C1QTNF3: variants seen among roughly 807,000 people sequenced by gnomAD.
The protein encoded by C1QTNF3 is C1q and TNF related 3.
In C1QTNF3, 26 loss-of-function variants were observed where a neutral mutation model predicts 32.6. The ratio of observed to expected loss-of-function variants is 0.80; its 90% CI spans 0.58 to 1.11. C1QTNF3 has a LOEUF of 1.11. Among genes scored for constraint, C1QTNF3 ranks in the 50% least tolerant of loss-of-function variants. The probability of loss-of-function intolerance (pLI) is 0.00; values close to 1 mark genes in which losing one functional copy is unlikely to be tolerated. For synonymous variants in C1QTNF3, 155 were observed against 146.0 expected (o/e 1.06, Z -0.44); for missense variants, 362 against 398.2 (o/e 0.91, Z 0.77).
At chr5:34,056,454 G>GTGTGTGTGTATA in the C1QTNF3 span, among the ~76,000 whole-genome samples, 11 of 48,962 alleles carry the variant, frequency 2.2e-4, no homozygotes, top group Admixed American at 2.8e-4. Flanking sequence ...GTGTGTGTGT[G>GTGTGTGTGTATA]TATATATATA....
chr5:34,076,066 T>A, the C1QTNF3 span, among the ~76,000 whole-genome samples: 1 of 151,514 alleles, frequency 6.6e-6, no homozygotes, highest in African/African-American at 2.4e-5. Context: ...GTAGCTAGAG[T>A]CATCAGAATC....
At chr5:34,027,456 TGGGAG>T (rs1283667309) in intron 4 of C1QTNF3, among the ~76,000 whole-genome samples, 3 of 152,162 alleles carry the variant, frequency 2.0e-5, no homozygotes, top group Middle Eastern at 3.2e-3. Context: ...TCCAGCACTT[TGGGAG>T]GCTGAGGCAG....
the C1QTNF3 span, chr5:34,169,109 C>T: frequency 1.3e-5 from 2 of 152,180 alleles, no homozygotes; most frequent in African/African-American, 4.8e-5. Flanking sequence ...TAGACGCAGA[C>T]ACTGAACTAC....
At chr5:34,214,774 G>C in the C1QTNF3 span, among the ~76,000 whole-genome samples, 75 of 152,216 alleles carry the variant, frequency 4.9e-4, no homozygotes, top group African/African-American at 1.8e-3. Context: ...CTTAGAAACT[G>C]TAACAATTGT....
the C1QTNF3 span, among the ~76,000 whole-genome samples, chr5:34,115,148 T>C: frequency 6.6e-6 from 1 of 152,176 alleles, no homozygotes; most frequent in Non-Finnish European, 1.5e-5. Flanking sequence ...AGAATTATTT[T>C]CTGCCAGCAT....
chr5:34,213,292 A>T, the C1QTNF3 span, among the ~76,000 whole-genome samples: 16 of 152,176 alleles, frequency 1.1e-4, no homozygotes, highest in Non-Finnish European at 1.0e-4. Flanking sequence ...ACAGTAAGAT[A>T]AACACCTAAC....
At chr5:34,174,287 G>A in the C1QTNF3 span, among the ~76,000 whole-genome samples, 4 of 151,758 alleles carry the variant, frequency 2.6e-5, no homozygotes, top group Admixed American at 2.6e-4. Flanking sequence ...TCGAACTCCT[G>A]ACCTCATGAT....
At chr5:34,112,095 AG>A in the C1QTNF3 span, among the ~76,000 whole-genome samples, 3 of 152,202 alleles carry the variant, frequency 2.0e-5, no homozygotes, top group East Asian at 5.8e-4. Flanking sequence ...ACCCTTGACA[AG>A]GGCTCTAGAT....
the C1QTNF3 span, among the ~76,000 whole-genome samples, chr5:34,069,046 A>G: frequency 6.8e-6 from 1 of 146,734 alleles, no homozygotes. Flanking sequence ...TTCATTAGTT[A>G]GATTCACCCC....
chr5:34,056,519 G>GAGAA, the C1QTNF3 span, among the ~76,000 whole-genome samples: 1 of 132,994 alleles, frequency 7.5e-6, no homozygotes, highest in Non-Finnish European at 1.6e-5. Flanking sequence ...GAGAGAGAGA[G>GAGAA]AGAGAGAGAA....
chr5:34,218,965 C>G, the C1QTNF3 span, among the ~76,000 whole-genome samples: 2 of 152,050 alleles, frequency 1.3e-5, no homozygotes, highest in African/African-American at 4.8e-5. Flanking sequence ...TACTTGTGCT[C>G]TGCAGCATAA....
chr5:34,158,494 A>G, the C1QTNF3 span: 1 of 152,204 alleles, frequency 6.6e-6, no homozygotes, highest in Non-Finnish European at 1.5e-5. Flanking sequence ...CCTTGCCTAT[A>G]TGGAATTAGT....
At chr5:34,058,413 C>A in the C1QTNF3 span, among the ~76,000 whole-genome samples, 1 of 152,134 alleles carries the variant, frequency 6.6e-6, no homozygotes, top group African/African-American at 2.4e-5. Context: ...AGACTTGTTT[C>A]ATCACTTTTC....
chr5:34,043,651 T>A (rs1754930525), upstream of C1QTNF3: 1 of 153,892 alleles, frequency 6.5e-6, no homozygotes, highest in Non-Finnish European at 1.4e-5. Flanking sequence ...GTACTGTTAG[T>A]ATTTCCCCAC....
At chr5:34,160,884 G>T in the C1QTNF3 span, among the ~76,000 whole-genome samples, 12,140 of 137,222 alleles carry the variant, frequency 0.088, 1,216 homozygotes, top group African/African-American at 0.25. Flanking sequence ...ACTAGCAAAA[G>T]AAAAAAAAAA....
the C1QTNF3 span, among the ~76,000 whole-genome samples, chr5:34,147,483 T>C: frequency 1.3e-5 from 2 of 151,980 alleles, no homozygotes; most frequent in Admixed American, 6.6e-5. Flanking sequence ...TACAGAGCCA[T>C]AGAAAAAAGA....
the C1QTNF3 span, among the ~76,000 whole-genome samples, chr5:34,125,243 A>C: frequency 3.3e-5 from 5 of 152,142 alleles, no homozygotes; most frequent in Non-Finnish European, 7.4e-5. Flanking sequence ...TCAGGAATAT[A>C]ACCCAAGGGT....
At chr5:34,133,860 T>C in the C1QTNF3 span, among the ~76,000 whole-genome samples, 249 of 152,386 alleles carry the variant, frequency 1.6e-3, 2 homozygotes, top group African/African-American at 5.2e-3. Flanking sequence ...AAACTTTTTA[T>C]TGGCTGTTCG....
At chr5:34,212,452 T>C in the C1QTNF3 span, among the ~76,000 whole-genome samples, 1 of 151,748 alleles carries the variant, frequency 6.6e-6, no homozygotes, top group South Asian at 2.1e-4. Context: ...GAAACTACCA[T>C]CACAGTGAAC....
Sources: allele counts gnomAD v4.1 joint callset (sites outside exome capture counted in the v4.1 genomes callset), GRCh38; gene constraint gnomAD v4.1.1; transcripts MANE v1.5; gene names NCBI Gene and HGNC (gene_info 2026-07-23, HGNC 2026-07-21).